The following DDX42 variants were observed in gnomAD, a reference collection of about 807,000 sequenced individuals.
DDX42 encodes DEAD-box helicase 42, also known as ATP-dependent RNA helicase DDX42.
In DDX42, 22 loss-of-function variants were observed where a neutral mutation model predicts 101.5. That is an observed-to-expected ratio of 0.22 (90% CI 0.15 to 0.31). The LOEUF (loss-of-function observed/expected upper bound fraction) is 0.31, where lower values mean the gene tolerates loss of function less well. DDX42 is among the 10% of genes least tolerant of loss of function. The pLI, the probability that DDX42 is intolerant of heterozygous loss-of-function variation, is 1.00. For missense variants in DDX42, 849 were observed against 1,199.9 expected (o/e 0.71, Z 4.32); for synonymous variants, 402 against 401.2 (o/e 1.00, Z -0.02).
intron 1 of DDX42, chr17:63,775,173 T>A (rs969965257): frequency 6.6e-6 from 1 of 152,662 alleles, no homozygotes; most frequent in South Asian, 2.1e-4. Context: ...TTCTGGCACA[T>A]AAGAGGTGAG....
chr17:63,807,969 T>C, intron 9 of DDX42, 69 bp downstream of exon 9: 3 of 1,479,590 alleles, frequency 2.0e-6, no homozygotes, highest in Non-Finnish European at 2.7e-6. Flanking sequence ...TCAAGTGAGG[T>C]AGAATGACCA....
intron 1 of DDX42, among the ~76,000 whole-genome samples, chr17:63,776,525 A>G (rs1048725903): frequency 2.0e-5 from 3 of 152,246 alleles, no homozygotes; most frequent in Admixed American, 6.5e-5. Flanking sequence ...TTCTTCAGAA[A>G]TAATGTAATA....
chr17:63,801,973 A>AGT (rs2039776214), intron 6 of DDX42, among the ~76,000 whole-genome samples: 1 of 152,226 alleles, frequency 6.6e-6, no homozygotes, highest in Non-Finnish European at 1.5e-5. Context: ...AGTGGTTCTC[A>AGT]GTGTGGACCA....
intron 8 of DDX42, among the ~76,000 whole-genome samples, chr17:63,806,885 A>G (rs2039847948): frequency 6.6e-6 from 1 of 152,172 alleles, no homozygotes; most frequent in Non-Finnish European, 1.5e-5. Context: ...GCCTAAACCT[A>G]ACCAAAAAGG....
intron 2 of DDX42, among the ~76,000 whole-genome samples, chr17:63,789,555 T>TTTTTTTTTTTTG (rs2039596787): frequency 1.2e-4 from 3 of 25,770 alleles, no homozygotes; most frequent in African/African-American, 8.8e-4. Flanking sequence ...ACTTTTTTGT[T>TTTTTTTTTTTTG]TTTGTTTTTG....
chr17:63,785,806 G>T (rs1275472219), intron 1 of DDX42, among the ~76,000 whole-genome samples: 1 of 152,078 alleles, frequency 6.6e-6, no homozygotes, highest in Non-Finnish European at 1.5e-5. Context: ...TAAATACATG[G>T]TTCATAGTAC....
intron 6 of DDX42, among the ~76,000 whole-genome samples, chr17:63,801,099 G>C (rs1293043921): frequency 6.7e-6 from 1 of 150,366 alleles, no homozygotes; most frequent in Non-Finnish European, 1.5e-5. Flanking sequence ...ACCCAGGCTG[G>C]AGTGCAGTGG....
upstream of DDX42, chr17:63,774,087 T>C: frequency 4.4e-6 from 1 of 225,344 alleles, no homozygotes; most frequent in East Asian, 9.2e-5. Context: ...TTCTGGAGCT[T>C]TAAGGTCAGG....
rs2040009468 is a variant in DDX42 at position 63,818,583 on chromosome 17, T to G, written c.*185T>G. On this transcript the variant is annotated 3_prime_UTR_variant, in exon 18 of 18. Coordinates refer to ENST00000389924, the MANE Select transcript of DDX42 (RefSeq NM_203499.3). Reference sequence around the variant, plus strand: ...TTCGGATGTTTTCTTGGGAAGCTGTTTTGGTCCTTGGAAGCAGTGAGAGCT... The same window carrying G: ...TTCGGATGTTTTCTTGGGAAGCTGTGTTGGTCCTTGGAAGCAGTGAGAGCT... 4 of 610,376 alleles carry G rather than the reference T, an allele frequency of 6.6e-6. No homozygotes were observed. In the South Asian group the frequency reaches 8.8e-5, roughly 13 times the overall value. 37.8% of individuals were successfully genotyped at this position (610,376 alleles called of 1,614,324 possible). A position where few individuals can be genotyped will look rare whatever the true frequency, so the allele number is the denominator to read the frequency against.
intron 10 of DDX42, 91 bp from the exon 11 acceptor site, chr17:63,809,469 G>T (rs532290891): frequency 2.1e-6 from 2 of 967,046 alleles, no homozygotes; most frequent in African/African-American, 1.6e-5. Context: ...TGAGACTAGA[G>T]AATTAGCACT....
At chr17:63,812,512 A>G (rs1424293451) in intron 14 of DDX42, among the ~76,000 whole-genome samples, 1 of 152,248 alleles carries the variant, frequency 6.6e-6, no homozygotes, top group Non-Finnish European at 1.5e-5. Flanking sequence ...CCTTACCCTT[A>G]CATTGATCTA....
chr17:63,788,516 C>A, intron 2 of DDX42, among the ~76,000 whole-genome samples: 1 of 151,370 alleles, frequency 6.6e-6, no homozygotes, highest in Non-Finnish European at 1.5e-5. Flanking sequence ...CCGTGTTAGC[C>A]ACAATGGTCT....
intron 4 of DDX42, among the ~76,000 whole-genome samples, chr17:63,799,239 G>C (rs777256596): frequency 4.6e-5 from 7 of 151,594 alleles, no homozygotes; most frequent in Admixed American, 1.3e-4. Context: ...TTTCTTTTTA[G>C]TATGAAATAC....
chr17:63,777,462 T>G (rs2039434573), intron 1 of DDX42, among the ~76,000 whole-genome samples: 1 of 151,566 alleles, frequency 6.6e-6, no homozygotes, highest in African/African-American at 2.4e-5. Context: ...TTTTTTTTTT[T>G]TTTGAGACGG....
At chr17:63,815,777 C>G in intron 16 of DDX42, 104 bp downstream of exon 16, 1 of 704,184 alleles carries the variant, frequency 1.4e-6, no homozygotes, top group Non-Finnish European at 2.3e-6. Context: ...GAGTTTAAAG[C>G]CCTGTCTAGA....
intron 6 of DDX42, 125 bp downstream of exon 6, chr17:63,800,742 A>G (rs1456790192): frequency 5.0e-6 from 6 of 1,206,664 alleles, no homozygotes; most frequent in Non-Finnish European, 6.8e-6. Flanking sequence ...TGTCATCTCT[A>G]CTAAGTGGTT....
intron 1 of DDX42, among the ~76,000 whole-genome samples, chr17:63,785,696 C>A (rs568370853): frequency 1.3e-5 from 2 of 151,934 alleles, no homozygotes; most frequent in Non-Finnish European, 2.9e-5. Context: ...CAAGAAATTT[C>A]TTTGTAACTC....
At position 63,808,855 on chromosome 17, in the gene DDX42, T is replaced by G. The variant is rs200455498; in HGVS notation, c.1059T>G (p.Tyr353Ter). ...HAECKRFGKA[Y>*]NLRSVAVYGG... is the part of the protein sequence containing the mutation. ...AATGTAAGCGGTTTGGAAAAGCATA[T>G]AATCTTCGATCAGTGGCCGTATATG... The change falls in exon 10 of 18, where the codon TAT becomes TAG. Residue 353 changes from tyrosine (Y) to a stop codon, truncating the protein, a stop_gained. Coordinates refer to ENST00000389924, the MANE Select transcript of DDX42 (RefSeq NM_203499.3). LOFTEE classifies it high-confidence loss of function. 6.2e-7 allele frequency: 1 copy of G among 1,614,068 alleles called. No individual in the cohort carries two copies. The highest frequency in any genetic ancestry group is 8.5e-7 in the Non-Finnish European group (1 of 1,179,974).
chr17:63,794,025 A>G (rs1047053348), intron 3 of DDX42, among the ~76,000 whole-genome samples: 1 of 152,062 alleles, frequency 6.6e-6, no homozygotes, highest in Non-Finnish European at 1.5e-5. Context: ...TTTCCCATAC[A>G]TCATGCTGCC....
Sources: gnomAD v4.1 joint callset for allele counts (sites outside exome capture counted in the v4.1 genomes callset) on GRCh38, gnomAD v4.1.1 for gene constraint, MANE v1.5 for transcripts, NCBI Gene and HGNC (gene_info 2026-07-23, HGNC 2026-07-21) for gene names.